The following SLCO1B1 variants were observed in gnomAD, a reference collection of about 807,000 sequenced individuals.
The protein encoded by SLCO1B1 is OATP-2.
Under a neutral mutation model 70.1 loss-of-function variants are expected in SLCO1B1, and 81 were observed. The ratio of observed to expected loss-of-function variants is 1.16; its 90% CI spans 0.97 to 1.39. The LOEUF is 1.39. SLCO1B1 is among the 40% of genes most tolerant of loss of function. The pLI is 0.00. For synonymous variants in SLCO1B1, 283 were observed against 271.5 expected, an observed-to-expected ratio of 1.04 and a Z score of -0.42; for missense variants, 895 against 799.6, an observed-to-expected ratio of 1.12 and a Z score of -1.44.
chr12:21,236,518 G>T (rs1220042892), intron 14 of SLCO1B1, among the ~76,000 whole-genome samples: 1 of 152,184 alleles, frequency 6.6e-6, no homozygotes, highest in Admixed American at 6.5e-5. Context: ...TATCCCTGGG[G>T]AGTTCCCAAA....
At chr12:21,173,571 T>C (rs1940780705) in intron 3 of SLCO1B1, among the ~76,000 whole-genome samples, 1 of 152,060 alleles carries the variant, frequency 6.6e-6, no homozygotes, top group Non-Finnish European at 1.5e-5. Flanking sequence ...CCAGTTCTGA[T>C]TTCATGGATG....
chr12:21,160,813 G>A (rs1363011861), intron 2 of SLCO1B1, among the ~76,000 whole-genome samples: 1 of 151,764 alleles, frequency 6.6e-6, no homozygotes, highest in Non-Finnish European at 1.5e-5. Flanking sequence ...AAATTTACAA[G>A]AGAAAAACAA....
intron 2 of SLCO1B1, among the ~76,000 whole-genome samples, chr12:21,162,407 T>G (rs750885931): frequency 6.6e-6 from 1 of 152,170 alleles, no homozygotes; most frequent in Non-Finnish European, 1.5e-5. Context: ...TCAACTTCCT[T>G]ATTTTTATCA....
At chr12:21,176,942 A>G in intron 5 of SLCO1B1, 45 bp downstream of exon 5, 1 of 1,367,796 alleles carries the variant, frequency 7.3e-7, no homozygotes, top group Non-Finnish European at 1.0e-6. Flanking sequence ...AAATGTATAC[A>G]TTTAATTACA....
intron 7 of SLCO1B1, among the ~76,000 whole-genome samples, chr12:21,195,662 A>G (rs1446726399): frequency 6.6e-6 from 1 of 152,114 alleles, no homozygotes; most frequent in South Asian, 2.1e-4. Context: ...TTCCCTCCCC[A>G]TAGAGAAGCT....
intron 11 of SLCO1B1, among the ~76,000 whole-genome samples, chr12:21,206,533 G>C (rs533950348): frequency 1.3e-5 from 2 of 151,820 alleles, no homozygotes; most frequent in East Asian, 3.9e-4. Flanking sequence ...ATTAATCAAG[G>C]CTTCATGCTC....
chr12:21,197,228 T>C (rs1388665667), intron 8 of SLCO1B1, 40 bp downstream of exon 8: 1 of 1,607,624 alleles, frequency 6.2e-7, no homozygotes, highest in Non-Finnish European at 8.5e-7. Flanking sequence ...GAGTTGTTAA[T>C]CTCAATGAAA....
intron 11 of SLCO1B1, among the ~76,000 whole-genome samples, chr12:21,212,763 A>G (rs1374285188): frequency 6.9e-6 from 1 of 145,132 alleles, no homozygotes; most frequent in African/African-American, 2.6e-5. Context: ...TTGGGTGCAT[A>G]TATATTTAGG....
intron 7 of SLCO1B1, among the ~76,000 whole-genome samples, chr12:21,196,606 A>G (rs1044078353): frequency 6.6e-6 from 1 of 152,108 alleles, no homozygotes; most frequent in Non-Finnish European, 1.5e-5. Context: ...TTCAGACAAC[A>G]ATGAGACGTC....
chr12:21,228,918 T>TA (rs1187079800), intron 14 of SLCO1B1, among the ~76,000 whole-genome samples: 1 of 152,080 alleles, frequency 6.6e-6, no homozygotes, highest in Non-Finnish European at 1.5e-5. Context: ...CTTTGGGACT[T>TA]ACCACATTGT....
Position 21,193,793 on chromosome 12 carries a change from CT to C in SLCO1B1, c.728-3144del, listed in dbSNP as rs1290692009. ...CCATCAGATGTTCTAAGTCATTGCTCTTTTTTTTTATTTTGGAGACAGAGTC... is the reference window on the plus strand; with the variant it reads ...CCATCAGATGTTCTAAGTCATTGCTCTTTTTTTTATTTTGGAGACAGAGTC... On this transcript the variant is annotated intron_variant, in intron 7 of 14. Coordinates refer to ENST00000256958, the MANE Select transcript of SLCO1B1 (RefSeq NM_006446.5). Among the ~76,000 whole-genome samples, 3 of 151,764 alleles carry C rather than the reference CT, an allele frequency of 2.0e-5. No individual in the cohort carries two copies. The South Asian group carries it at 6.2e-4, about 32-fold the overall frequency.
In SLCO1B1 at chr12:21,200,671, G is replaced by A. The variant is rs1941147191; in HGVS notation, c.1134G>A (p.Leu378=). 1 of 1,610,574 alleles carries A rather than the reference G, an allele frequency of 6.2e-7. No homozygotes were observed. Among genetic ancestry groups the A allele is most frequent in the Non-Finnish European group, 8.5e-7 (1 of 1,178,068 alleles). The change falls in exon 9 of 15, where the codon TTG becomes TTA. Residue 378 remains leucine (L), a splice_region_variant and synonymous_variant. Transcript: ENST00000256958. ...CTTCATCTAAGGCTAACATCTTATT[G>A]GGTAAGACATATTTTTTACTTGTGT... is the stretch of plus-strand genomic sequence containing the variant. The part of the protein sequence containing the change: ...GQPSSKANIL[L]GVITIPIFAS...
At chr12:21,207,944 T>C (rs1039784071) in intron 11 of SLCO1B1, among the ~76,000 whole-genome samples, 1 of 152,140 alleles carries the variant, frequency 6.6e-6, no homozygotes, top group Non-Finnish European at 1.5e-5. Flanking sequence ...ATGTCTTCTT[T>C]TGAGAAGTGT....
chr12:21,172,693 T>C lies in SLCO1B1; in HGVS notation c.128T>C (p.Leu43Pro), dbSNP rs770472561. ...ALSLSFIAKT[L>P]GAIIMKSSII... ...TCACTCAGCTTTATTGCTAAGACAC[T>C]AGGTGCAATTATTATGAAAAGTTCC... The change falls in exon 3 of 15, where the codon CTA becomes CCA. Residue 43 changes from leucine (L) to proline (P), a missense_variant. Transcript: ENST00000256958. 7.4e-6 allele frequency: 12 copies of C among 1,613,656 alleles called. No individual in the cohort carries two copies. The highest frequency in any genetic ancestry group is 9.3e-6 in the Non-Finnish European group (11 of 1,179,790).
At chr12:21,148,450 A>G (rs1565666033) in intron 2 of SLCO1B1, among the ~76,000 whole-genome samples, 1 of 152,130 alleles carries the variant, frequency 6.6e-6, no homozygotes, top group Non-Finnish European at 1.5e-5. Flanking sequence ...TCCCAACATC[A>G]TATATATTAA....
chr12:21,140,954 C>G (rs1447433446), intron 1 of SLCO1B1, among the ~76,000 whole-genome samples: 6 of 151,892 alleles, frequency 4.0e-5, no homozygotes. Flanking sequence ...CAGAGTTGCT[C>G]TGAGAAGTAC....
rs1256824921 is a variant in SLCO1B1 at position 21,162,130 on chromosome 12, G to T, written c.85-10520G>T. ...GATAATACAGATACTCTTAAGAAAT[G>T]CATAAAATATATGAATATACATGTG... On this transcript the variant is annotated intron_variant, in intron 2 of 14. Transcript: ENST00000256958. Among the ~76,000 whole-genome samples, 3 of 151,642 alleles carry T rather than the reference G, an allele frequency of 2.0e-5. No individual in the cohort carries two copies. The East Asian group carries it at 5.8e-4, about 29-fold the overall frequency.
intron 7 of SLCO1B1, among the ~76,000 whole-genome samples, chr12:21,196,594 T>C (rs1374266760): frequency 3.3e-5 from 5 of 152,126 alleles, no homozygotes; most frequent in Non-Finnish European, 5.9e-5. Flanking sequence ...CCAATAGACA[T>C]TTTCAGACAA....
At chr12:21,175,080 C>G (rs566937438) in intron 4 of SLCO1B1, among the ~76,000 whole-genome samples, 6 of 152,250 alleles carry the variant, frequency 3.9e-5, no homozygotes, top group African/African-American at 1.4e-4. Flanking sequence ...TTCACTGAAG[C>G]TGTTATTCCT....
Sources: gnomAD v4.1 joint callset for allele counts (sites outside exome capture counted in the v4.1 genomes callset) on GRCh38, gnomAD v4.1.1 for gene constraint, MANE v1.5 for transcripts, NCBI Gene and HGNC (gene_info 2026-07-23, HGNC 2026-07-21) for gene names.